PIGB: variants seen among roughly 807,000 people sequenced by gnomAD.
The protein encoded by PIGB is phosphatidylinositol glycan anchor biosynthesis class B.
PIGB carries 58 observed loss-of-function variants against 68.4 expected under a neutral mutation model. The ratio of observed to expected loss-of-function variants is 0.85; its 90% CI spans 0.69 to 1.06. PIGB has a LOEUF of 1.06. PIGB is among the 50% of genes least tolerant of loss of function. The probability of loss-of-function intolerance (pLI) is 0.00; values close to 1 mark genes in which losing one functional copy is unlikely to be tolerated. For synonymous variants in PIGB, 219 were observed against 220.5 expected, an observed-to-expected ratio of 0.99 and a Z score of 0.06; for missense variants, 634 against 655.8, an observed-to-expected ratio of 0.97 and a Z score of 0.36.
chr15:55,353,126 C>CA (rs2055960122), intron 10 of PIGB, among the ~76,000 whole-genome samples: 1 of 152,190 alleles, frequency 6.6e-6, no homozygotes, highest in Admixed American at 6.5e-5. Context: ...GTTCTTTATA[C>CA]TTAACTGTAG....
chr15:55,345,010 C>T (rs1453040728), intron 9 of PIGB, among the ~76,000 whole-genome samples: 35 of 151,384 alleles, frequency 2.3e-4, no homozygotes, highest in Admixed American at 2.3e-3. Flanking sequence ...ATTCTCCTGC[C>T]TCAGCCTCCA....
intron 7 of PIGB, 66 bp from the exon 8 acceptor site, chr15:55,340,546 C>T (rs1036529826): frequency 2.0e-6 from 2 of 995,276 alleles, no homozygotes; most frequent in Non-Finnish European, 3.0e-6. Context: ...GTATCAATCC[C>T]CTAATGCCAA....
intron 6 of PIGB, 38 bp downstream of exon 6, chr15:55,334,045 C>A: frequency 6.9e-7 from 1 of 1,442,574 alleles, no homozygotes; most frequent in Non-Finnish European, 9.3e-7. Flanking sequence ...ATTTTAGTAG[C>A]CTACAAATCA....
chr15:55,349,020 A>C (rs1039808825), intron 9 of PIGB, among the ~76,000 whole-genome samples: 3 of 146,134 alleles, frequency 2.1e-5, no homozygotes, highest in African/African-American at 7.5e-5. Flanking sequence ...ATCTCGGCTC[A>C]CTGCAACCTC....
chr15:55,355,516 G>T lies in PIGB; in HGVS notation c.*84G>T. 8.8e-7 allele frequency: 1 copy of T among 1,135,908 alleles called. No individual in the cohort carries two copies. 70.4% of individuals were successfully genotyped at this position (1,135,908 alleles called of 1,614,324 possible). A position where few individuals can be genotyped will look rare whatever the true frequency, so the allele number is the denominator to read the frequency against. On this transcript the variant is annotated 3_prime_UTR_variant, in exon 12 of 12. Coordinates refer to ENST00000164305, the MANE Select transcript of PIGB (RefSeq NM_004855.5). ...TCGGTAAACACTGGGTAAGATTCAT[G>T]GAACTTAGAAAAAAGCTGTATGAAC...
At chr15:55,319,673 C>T (rs1007832060) in intron 1 of PIGB, 8 of 318,270 alleles carry the variant, frequency 2.5e-5, no homozygotes, top group Non-Finnish European at 4.0e-5. Context: ...TTGGAGACAT[C>T]ACACAGACCC....
chr15:55,328,098 T>C (rs142036369), intron 4 of PIGB, among the ~76,000 whole-genome samples: 1,611 of 152,328 alleles, frequency 0.011, 9 homozygotes, highest in Middle Eastern at 0.017. Context: ...AAGTATTAGG[T>C]TGGTGCAAAA....
At chr15:55,336,953 G>T (rs1407595728) in intron 6 of PIGB, among the ~76,000 whole-genome samples, 1 of 152,166 alleles carries the variant, frequency 6.6e-6, no homozygotes, top group African/African-American at 2.4e-5. Flanking sequence ...TTGCACCACT[G>T]CACTCCAGCC....
intron 1 of PIGB, chr15:55,320,020 T>TC: frequency 3.3e-6 from 1 of 299,284 alleles, no homozygotes; most frequent in Non-Finnish European, 6.2e-6. Flanking sequence ...CTCTTTTTTT[T>TC]TTGTATTTAT....
At chr15:55,346,865 T>C (rs2055806474) in intron 9 of PIGB, 1 of 152,222 alleles carries the variant, frequency 6.6e-6, no homozygotes, top group Non-Finnish European at 1.5e-5. Context: ...ACCTTAGGCT[T>C]CTCTTGTGGT....
At chr15:55,329,275 G>GACATTCCAAACAAGTGCA (rs1293744743) in intron 4 of PIGB, among the ~76,000 whole-genome samples, 9 of 151,254 alleles carry the variant, frequency 6.0e-5, no homozygotes, top group Non-Finnish European at 1.2e-4. Context: ...AAAACAGGGA[G>GACATTCCAAACAAGTGCA]ACATTCCAAA....
At chr15:55,319,607 A>T (rs546620121) in intron 1 of PIGB, 194 bp downstream of exon 1, 13 of 525,446 alleles carry the variant, frequency 2.5e-5, no homozygotes, top group Admixed American at 2.1e-4. Flanking sequence ...TCAATTTTTT[A>T]AAAAATACTC....
chr15:55,344,285 G>A (rs912726277), intron 9 of PIGB, among the ~76,000 whole-genome samples: 3 of 152,228 alleles, frequency 2.0e-5, no homozygotes, highest in African/African-American at 7.2e-5. Context: ...CATGTCTGGG[G>A]TTCAACTAGC....
intron 5 of PIGB, among the ~76,000 whole-genome samples, chr15:55,331,538 A>AC (rs2055414275): frequency 1.3e-5 from 2 of 151,776 alleles, no homozygotes; most frequent in East Asian, 3.9e-4. Flanking sequence ...ACATGGTGAA[A>AC]CCCCGTCTCC....
At chr15:55,337,029 T>A (rs946703519) in intron 6 of PIGB, among the ~76,000 whole-genome samples, 2 of 152,110 alleles carry the variant, frequency 1.3e-5, no homozygotes, top group Non-Finnish European at 1.5e-5. Flanking sequence ...ATAAAACTTT[T>A]AAAAATCTAT....
At chr15:55,333,301 A>C (rs552075887) in intron 5 of PIGB, among the ~76,000 whole-genome samples, 106 of 152,326 alleles carry the variant, frequency 7.0e-4, no homozygotes, top group African/African-American at 2.4e-3. Context: ...GCAAAAGTTA[A>C]TATAGCTATT....
At chr15:55,320,977 A>G (rs1008163448) in intron 2 of PIGB, among the ~76,000 whole-genome samples, 3 of 152,226 alleles carry the variant, frequency 2.0e-5, no homozygotes, top group Non-Finnish European at 2.9e-5. Context: ...CAGAGAAAGT[A>G]AAAAACACAT....
chr15:55,319,472 A>G lies in PIGB; in HGVS notation c.163+59A>G, dbSNP rs954702615. The stretch of plus-strand genomic sequence containing the variant: ...CCCCCATCTAAAAGGAACCCCCTCC[A>G]TTTCATTACCAGCCAGTTGCCCGTT... On this transcript the variant is annotated intron_variant, in intron 1 of 11. Transcript: ENST00000164305. 16 of 1,320,882 alleles carry G rather than the reference A, an allele frequency of 1.2e-5. No homozygotes were observed. In the Admixed American group the frequency reaches 2.4e-4, roughly 20 times the overall value. 81.8% of individuals were successfully genotyped at this position (1,320,882 alleles called of 1,614,324 possible). A position where few individuals can be genotyped will look rare whatever the true frequency, so the allele number is the denominator to read the frequency against.
intron 6 of PIGB, among the ~76,000 whole-genome samples, chr15:55,337,984 T>G (rs2055575542): frequency 6.6e-6 from 1 of 152,148 alleles, no homozygotes; most frequent in Non-Finnish European, 1.5e-5. Context: ...TATCAGAAAT[T>G]AGGATAGTGG....
Sources: gnomAD v4.1 joint callset for allele counts (sites outside exome capture counted in the v4.1 genomes callset) on GRCh38, gnomAD v4.1.1 for gene constraint, MANE v1.5 for transcripts, NCBI Gene and HGNC (gene_info 2026-07-23, HGNC 2026-07-21) for gene names.